SPON1: variants seen among roughly 807,000 people sequenced by gnomAD.
The protein encoded by SPON1 is spondin-1.
A neutral mutation model predicts 111.7 loss-of-function variants in SPON1; 52 were observed. The ratio of observed to expected loss-of-function variants is 0.47; its 90% CI spans 0.37 to 0.59. SPON1 has a LOEUF of 0.59. SPON1 is among the 20% of genes least tolerant of loss of function. The probability of loss-of-function intolerance (pLI) is 0.00; values close to 1 mark genes in which losing one functional copy is unlikely to be tolerated. For synonymous variants in SPON1, 410 were observed against 395.8 expected (o/e 1.04, Z -0.43); for missense variants, 957 against 1,068.5 (o/e 0.90, Z 1.46).
rs1475447477 is a variant in SPON1, at chr11:14,156,139, A to G, written c.825+20571A>G. On this transcript the variant is annotated intron_variant, in intron 6 of 15. Transcript: ENST00000576479. Reference sequence around the variant, plus strand: ...TGTAAAAGTGTTCCTATTTCTCCACATCCTCTCCAGCACCTGTTGTTTCCT... The same window carrying G: ...TGTAAAAGTGTTCCTATTTCTCCACGTCCTCTCCAGCACCTGTTGTTTCCT... Among the ~76,000 whole-genome samples, 5 of 123,876 alleles carry G rather than the reference A, an allele frequency of 4.0e-5. 2 individuals carry two copies. The highest frequency in any genetic ancestry group is 8.5e-5 in the African/African-American group (3 of 35,330). 81.3% of individuals were successfully genotyped at this position (123,876 alleles called of 152,430 possible). A position where few individuals can be genotyped will look rare whatever the true frequency, so the allele number is the denominator to read the frequency against.
At chr11:14,163,456 C>T (rs1554931581) in intron 6 of SPON1, among the ~76,000 whole-genome samples, 1 of 152,128 alleles carries the variant, frequency 6.6e-6, no homozygotes, top group African/African-American at 2.4e-5. Context: ...CTGCCATTCT[C>T]CTTTTATTTC....
chr11:14,152,670 T>C (rs1367300642), intron 6 of SPON1, among the ~76,000 whole-genome samples: 1 of 152,236 alleles, frequency 6.6e-6, no homozygotes, highest in East Asian at 1.9e-4. Flanking sequence ...ATTTCATAAG[T>C]GCATATATGT....
intron 6 of SPON1, among the ~76,000 whole-genome samples, chr11:14,162,071 T>G (rs557845709): frequency 6.7e-6 from 1 of 149,580 alleles, no homozygotes; most frequent in East Asian, 2.0e-4. Context: ...GGCATGAGAA[T>G]CACTTGAACC....
chr11:14,262,094 G>A (rs1849190832), intron 14 of SPON1, among the ~76,000 whole-genome samples: 1 of 152,172 alleles, frequency 6.6e-6, no homozygotes, highest in African/African-American at 2.4e-5. Flanking sequence ...GAATTTACTG[G>A]ATCTCGATAA....
Position 14,103,954 on chromosome 11 carries a change from T to A in SPON1, c.676+23933T>A, listed in dbSNP as rs553987055. 4.6e-5 allele frequency among the ~76,000 whole-genome samples: 7 copies of A among 152,324 alleles called. No homozygotes were observed. In the East Asian group the frequency reaches 1.3e-3, roughly 29 times the overall value. On this transcript the variant is annotated intron_variant, in intron 5 of 15. Coordinates refer to ENST00000576479, the MANE Select transcript of SPON1 (RefSeq NM_006108.4). ...TTTTTATAAGGGATTTGTTGCTATGTTCTTTGAACCTTATAGACATAATAT... is the reference window on the plus strand; with the variant it reads ...TTTTTATAAGGGATTTGTTGCTATGATCTTTGAACCTTATAGACATAATAT...
At chr11:14,169,822 T>A (rs1307420856) in intron 6 of SPON1, among the ~76,000 whole-genome samples, 5 of 152,198 alleles carry the variant, frequency 3.3e-5, no homozygotes, top group Admixed American at 1.3e-4. Flanking sequence ...GTGGCATTAT[T>A]TCTGAGGGCT....
intron 15 of SPON1, among the ~76,000 whole-genome samples, chr11:14,264,384 C>T (rs1042770633): frequency 2.0e-5 from 3 of 152,204 alleles, no homozygotes; most frequent in Non-Finnish European, 4.4e-5. Context: ...CCCCAAACTC[C>T]AGCTTAACTT....
At chr11:14,125,753 T>C (rs774622262) in intron 5 of SPON1, among the ~76,000 whole-genome samples, 1 of 152,060 alleles carries the variant, frequency 6.6e-6, no homozygotes, top group East Asian at 1.9e-4. Flanking sequence ...ATAAAATCAA[T>C]AGGGTATGTG....
At chr11:14,014,238 A>T (rs1848427601) in intron 2 of SPON1, among the ~76,000 whole-genome samples, 1 of 152,090 alleles carries the variant, frequency 6.6e-6, no homozygotes, top group Non-Finnish European at 1.5e-5. Context: ...ACAGCAAGTG[A>T]GATGGTAGCA....
intron 6 of SPON1, among the ~76,000 whole-genome samples, chr11:14,190,612 TCC>T (rs1848335038): frequency 6.6e-6 from 1 of 151,122 alleles, no homozygotes; most frequent in South Asian, 2.1e-4. Flanking sequence ...TCCTCCTTCC[TCC>T]CTTGCTTCTT....
intron 6 of SPON1, among the ~76,000 whole-genome samples, chr11:14,148,660 A>G (rs1416808673): frequency 2.6e-5 from 4 of 152,182 alleles, no homozygotes; most frequent in Non-Finnish European, 5.9e-5. Flanking sequence ...ACATGTCCAA[A>G]TGCTAGTGGC....
intron 8 of SPON1, 84 bp downstream of exon 8, chr11:14,254,813 G>T: frequency 2.9e-6 from 4 of 1,378,178 alleles, no homozygotes; most frequent in Non-Finnish European, 4.1e-6. Flanking sequence ...ATCTGTCCCA[G>T]GCTCTGTCCT....
At chr11:14,097,558 T>C (rs1392076149) in intron 5 of SPON1, among the ~76,000 whole-genome samples, 2 of 152,218 alleles carry the variant, frequency 1.3e-5, no homozygotes, top group East Asian at 3.9e-4. Flanking sequence ...CTCTATGTTT[T>C]TTCCTAATAG....
At chr11:14,171,797 C>T (rs531672973) in intron 6 of SPON1, among the ~76,000 whole-genome samples, 1,850 of 148,254 alleles carry the variant, frequency 0.012, 32 homozygotes, top group African/African-American at 0.043. Flanking sequence ...TGTAGTTGAG[C>T]GGTTTTGAGT....
At chr11:14,132,021 G>A (rs1273086948) in intron 5 of SPON1, among the ~76,000 whole-genome samples, 1 of 152,242 alleles carries the variant, frequency 6.6e-6, no homozygotes, top group Non-Finnish European at 1.5e-5. Context: ...GCTCACGCCT[G>A]TAATCCCAAC....
chr11:14,217,762 A>G (rs1453815567), intron 6 of SPON1, among the ~76,000 whole-genome samples: 11 of 152,234 alleles, frequency 7.2e-5, no homozygotes, highest in African/African-American at 2.7e-4. Flanking sequence ...ATAAAATAAA[A>G]ATAATAACAA....
In SPON1 at chr11:14,262,753, T is replaced by C; in HGVS notation, c.2038T>C (p.Cys680Arg). Residue 680 changes from cysteine (C) to arginine (R), a missense_variant, in exon 15 of 16, where the codon TGT (cysteine) becomes CGT (arginine). Cys to Arg is a radical substitution (Grantham distance 180). Around this residue, in one of 5 missense-constraint regions of SPON1, gnomAD observed 549 missense variants for 606.2 expected, o/e 0.91. Coordinates refer to ENST00000576479, the MANE Select transcript of SPON1 (RefSeq NM_006108.4). ...ELTEWSQWSE[C>R]NKSCGKGHVI... Reference sequence around the variant, plus strand: ...CACCGAGTGGTCCCAGTGGTCGGAATGTAACAAGTCATGTGGGAAAGGCCA... The same window carrying C: ...CACCGAGTGGTCCCAGTGGTCGGAACGTAACAAGTCATGTGGGAAAGGCCA... The C allele has an allele frequency of 6.2e-7, 1 of 1,613,916 alleles. No individual in the cohort carries two copies. Among genetic ancestry groups the C allele is most frequent in the Admixed American group, 1.7e-5 (1 of 60,020 alleles).
intron 3 of SPON1, among the ~76,000 whole-genome samples, chr11:14,055,446 G>C (rs1204216239): frequency 6.6e-6 from 1 of 152,114 alleles, no homozygotes; most frequent in Non-Finnish European, 1.5e-5. Flanking sequence ...CTCCTAAAAG[G>C]GTAGTCTTCC....
intron 6 of SPON1, among the ~76,000 whole-genome samples, chr11:14,235,884 T>C (rs1848860099): frequency 6.6e-6 from 1 of 152,096 alleles, no homozygotes; most frequent in South Asian, 2.1e-4. Flanking sequence ...GAGAGAGTGC[T>C]CTGGTATCTG....
Sources: allele counts gnomAD v4.1 joint callset (sites outside exome capture counted in the v4.1 genomes callset), GRCh38; gene constraint gnomAD v4.1.1; regional missense constraint gnomAD v4.1.1; transcripts MANE v1.5; gene names NCBI Gene and HGNC (gene_info 2026-07-23, HGNC 2026-07-21).